Variants in TBL1X observed in about 807,000 individuals in gnomAD.
The protein encoded by TBL1X is F-box-like/WD repeat-containing protein TBL1X.
Under a neutral mutation model 50.7 loss-of-function variants are expected in TBL1X, and 10 were observed. That is an observed-to-expected ratio of 0.20 (90% CI 0.12 to 0.33). TBL1X has a LOEUF of 0.33. Among genes scored for constraint, TBL1X ranks in the 10% least tolerant of loss-of-function variants. The pLI, the probability that TBL1X is intolerant of heterozygous loss-of-function variation, is 1.00. For synonymous variants in TBL1X, 190 were observed against 214.7 expected, an observed-to-expected ratio of 0.88 and a Z score of 1.01; for missense variants, 340 against 504.4, an observed-to-expected ratio of 0.67 and a Z score of 3.12.
chrX:9,699,474 C>A (rs1166629651), intron 12 of TBL1X, among the ~76,000 whole-genome samples: 2 of 111,958 alleles, frequency 1.8e-5, no homozygotes, highest in Non-Finnish European at 3.8e-5. Context: ...GTTAACTATT[C>A]TATCAGCTGT....
intron 1 of TBL1X, among the ~76,000 whole-genome samples, chrX:9,492,838 GGTGTGTGTGTGTGTGTGTGTGTGT>G (rs774050435): frequency 3.5e-5 from 2 of 56,969 alleles, no homozygotes; most frequent in Admixed American, 2.2e-4. Context: ...GGGGCTAGAG[GGTGTGTGTGTGTGTGTGTGTGTGT>G]GTGTGTGTGT....
chrX:9,481,950 T>C (rs759020531), intron 1 of TBL1X, among the ~76,000 whole-genome samples: 4 of 112,435 alleles, frequency 3.6e-5, no homozygotes, highest in Non-Finnish European at 7.5e-5. Context: ...ATAAAACTTA[T>C]TTTGCACATA....
In TBL1X at chrX:9,718,168, T is replaced by G. The variant is rs1357330281; in HGVS notation, c.*1922T>G. On this transcript the variant is annotated 3_prime_UTR_variant, in exon 18 of 18. Transcript: ENST00000645353. The stretch of plus-strand genomic sequence containing the variant: ...GCAGTGGGTAGGGTGCAATCTGGTG[T>G]GTGTTCCAGCAGTGAGACGGTGTTA... 2 of 110,564 alleles carry G rather than the reference T, an allele frequency of 1.8e-5. No homozygotes were observed. Among genetic ancestry groups the G allele is most frequent in the Admixed American group, 9.6e-5 (1 of 10,427 alleles). The allele number at this position is 110,564 out of a possible 1,213,427, so 9.1% of individuals were successfully genotyped here. A position where few individuals can be genotyped will look rare whatever the true frequency, so the allele number is the denominator to read the frequency against.
chrX:9,571,698 A>G (rs1000161078), intron 2 of TBL1X, among the ~76,000 whole-genome samples: 22 of 112,017 alleles, frequency 2.0e-4, no homozygotes, highest in African/African-American at 5.8e-4. Context: ...CAGCTTTCCA[A>G]GCTGAAACTC....
intron 1 of TBL1X, among the ~76,000 whole-genome samples, chrX:9,473,933 T>C (rs779135293): frequency 8.9e-6 from 1 of 112,716 alleles, no homozygotes; most frequent in South Asian, 3.6e-4. Flanking sequence ...CTTGTTGATA[T>C]TACATGTCAC....
At chrX:9,533,150 T>G (rs1052291638) in intron 2 of TBL1X, among the ~76,000 whole-genome samples, 7 of 111,998 alleles carry the variant, frequency 6.3e-5, no homozygotes, top group African/African-American at 2.3e-4. Flanking sequence ...CTCAGTAAAG[T>G]TGTTATAAAC....
At chrX:9,690,685 CTTTA>C (rs772353934) in intron 7 of TBL1X, among the ~76,000 whole-genome samples, 7 of 111,962 alleles carry the variant, frequency 6.3e-5, no homozygotes, top group East Asian at 2.8e-4. Context: ...GCCAGTCACA[CTTTA>C]TTTATGCAGA....
At position 9,715,988 on chromosome X, in the gene TBL1X, C is replaced by T. The variant is rs186342069; in HGVS notation, c.1708-232C>T. Among the ~76,000 whole-genome samples, 579 of 112,244 alleles carry T rather than the reference C, an allele frequency of 5.2e-3. 4 individuals carry two copies. The highest frequency in any genetic ancestry group is 0.018 in the African/African-American group (548 of 30,922). ...TGTTAATTCCTATCATTACCCTTAA[C>T]CTGGCCTTTCTGCTCTGTGCTGTTT... On this transcript the variant is annotated intron_variant, in intron 17 of 17. Coordinates refer to ENST00000645353, the MANE Select transcript of TBL1X (RefSeq NM_005647.4).
intron 2 of TBL1X, among the ~76,000 whole-genome samples, chrX:9,602,931 C>G (rs765859210): frequency 8.9e-6 from 1 of 112,622 alleles, no homozygotes; most frequent in East Asian, 2.8e-4. Flanking sequence ...CTTCATCCAC[C>G]TGGGAGCAGT....
chrX:9,667,217 G>A (rs1368374032), intron 5 of TBL1X, among the ~76,000 whole-genome samples: 1 of 111,368 alleles, frequency 9.0e-6, no homozygotes, highest in Admixed American at 9.5e-5. Context: ...AGCTGAGATC[G>A]GCCACTGCAC....
chrX:9,634,519 A>G (rs754838260), intron 2 of TBL1X, among the ~76,000 whole-genome samples: 7 of 111,099 alleles, frequency 6.3e-5, no homozygotes, highest in African/African-American at 2.0e-4. Context: ...GTTAGCTATT[A>G]TTATTATTAT....
intron 17 of TBL1X, among the ~76,000 whole-genome samples, chrX:9,715,637 C>T (rs950968691): frequency 1.2e-4 from 14 of 112,328 alleles, no homozygotes; most frequent in African/African-American, 3.6e-4. Context: ...TTATGTGACG[C>T]GTGACTGTGC....
intron 2 of TBL1X, among the ~76,000 whole-genome samples, chrX:9,630,181 C>T (rs767263508): frequency 2.9e-4 from 32 of 111,856 alleles, no homozygotes; most frequent in South Asian, 1.5e-3. Flanking sequence ...CCGGCATCAT[C>T]GTGTCGTGTT....
intron 12 of TBL1X, among the ~76,000 whole-genome samples, chrX:9,699,106 G>A (rs1198816205): frequency 3.6e-5 from 4 of 111,487 alleles, no homozygotes; most frequent in African/African-American, 6.5e-5. Flanking sequence ...TCAGCCTCCC[G>A]AGTAGCTGGG....
rs775959350 is a variant in TBL1X at position 9,469,123 on chromosome X, C to G, written c.-201+3676C>G. On this transcript the variant is annotated intron_variant, in intron 1 of 17. Coordinates refer to ENST00000645353, the MANE Select transcript of TBL1X (RefSeq NM_005647.4). ...GTGTGAGCCACTTTACTCAGTCGAC[C>G]GACATAGAATTATTATAATGCTTGG... Among the ~76,000 whole-genome samples the G allele has an allele frequency of 2.2e-4, 24 of 111,491 alleles. No individual in the cohort carries two copies. The South Asian group carries it at 9.0e-3, about 42-fold the overall frequency.
At chrX:9,522,013 C>CT (rs138830348) in intron 2 of TBL1X, among the ~76,000 whole-genome samples, 1,582 of 88,059 alleles carry the variant, frequency 0.018, 46 homozygotes, top group African/African-American at 0.053. Context: ...TTCTTCGTTT[C>CT]TTTTTTTTTT....
chrX:9,478,294 C>A lies in TBL1X; in HGVS notation c.-201+12847C>A, dbSNP rs1306281209. 3.6e-5 allele frequency among the ~76,000 whole-genome samples: 4 copies of A among 111,216 alleles called. No individual in the cohort carries two copies. In the East Asian group the frequency reaches 1.1e-3, roughly 31 times the overall value. On this transcript the variant is annotated intron_variant, in intron 1 of 17. Coordinates refer to ENST00000645353, the MANE Select transcript of TBL1X (RefSeq NM_005647.4). ...ACCCCAGGGCACACACCCCCTTATG[C>A]TTCCCCTGTCTTTCATCTTGAAAGC...
chrX:9,702,932 G>T (rs969555895), intron 12 of TBL1X, among the ~76,000 whole-genome samples: 2 of 111,528 alleles, frequency 1.8e-5, no homozygotes, highest in Non-Finnish European at 3.8e-5. Flanking sequence ...CATGGGAAGC[G>T]CAGGGTTACG....
At chrX:9,538,894 C>G (rs1601742854) in intron 2 of TBL1X, among the ~76,000 whole-genome samples, 2 of 112,749 alleles carry the variant, frequency 1.8e-5, no homozygotes, top group Admixed American at 1.9e-4. Context: ...CCCGCTGGGG[C>G]CCCTCCTCTC....
Sources: allele counts gnomAD v4.1 joint callset (sites outside exome capture counted in the v4.1 genomes callset), GRCh38; gene constraint gnomAD v4.1.1; transcripts MANE v1.5; gene names NCBI Gene and HGNC (gene_info 2026-07-23, HGNC 2026-07-21).